Variants in BCAR3 observed in about 807,000 individuals in gnomAD.
The protein encoded by BCAR3 is breast cancer anti-estrogen resistance protein 3.
Under a neutral mutation model 80.1 loss-of-function variants are expected in BCAR3, and 37 were observed. The observed-to-expected ratio is 0.46, with a 90% CI of 0.36 to 0.61. The LOEUF (loss-of-function observed/expected upper bound fraction) is 0.61. BCAR3 is among the 20% of genes least tolerant of loss of function. The pLI is 0.00. For synonymous variants in BCAR3, 389 were observed against 418.9 expected, an observed-to-expected ratio of 0.93 and a Z score of 0.87; for missense variants, 978 against 1,068.2, an observed-to-expected ratio of 0.92 and a Z score of 1.18.
At chr1:93,590,937 A>G (rs1159115093) in intron 4 of BCAR3, among the ~76,000 whole-genome samples, 1 of 152,140 alleles carries the variant, frequency 6.6e-6, no homozygotes, top group African/African-American at 2.4e-5. Context: ...TGGGCTACCA[A>G]AAAAGTATAT....
At chr1:93,693,757 G>A (rs1471851838) in intron 3 of BCAR3, among the ~76,000 whole-genome samples, 6 of 152,182 alleles carry the variant, frequency 3.9e-5, no homozygotes, top group African/African-American at 1.2e-4. Flanking sequence ...ACGGACTGCT[G>A]TGATTTTGGT....
chr1:93,811,964 C>A (rs1281854968), intron 2 of BCAR3, among the ~76,000 whole-genome samples: 2 of 152,218 alleles, frequency 1.3e-5, no homozygotes, highest in African/African-American at 4.8e-5. Context: ...TGACTCCCAG[C>A]CTGTTGGTAA....
chr1:93,758,092 C>T (rs2100721272), intron 2 of BCAR3, among the ~76,000 whole-genome samples: 2 of 152,242 alleles, frequency 1.3e-5, no homozygotes, highest in South Asian at 4.1e-4. Flanking sequence ...GGAGGCAGCT[C>T]CCACTGGCTG....
intron 2 of BCAR3, among the ~76,000 whole-genome samples, chr1:93,720,733 G>C (rs1428404420): frequency 6.6e-6 from 1 of 152,220 alleles, no homozygotes; most frequent in East Asian, 1.9e-4. Flanking sequence ...AGGTAGAAAG[G>C]AGGAGGATGC....
intron 2 of BCAR3, among the ~76,000 whole-genome samples, chr1:93,774,903 C>G (rs1229543929): frequency 2.6e-5 from 4 of 152,198 alleles, no homozygotes; most frequent in Non-Finnish European, 5.9e-5. Flanking sequence ...AAGTCCCACA[C>G]AGCAGGAAAG....
intron 2 of BCAR3, among the ~76,000 whole-genome samples, chr1:93,808,241 C>T (rs1557694898): frequency 6.6e-6 from 1 of 151,648 alleles, no homozygotes; most frequent in African/African-American, 2.4e-5. Flanking sequence ...AATGAATGCC[C>T]AGAACAAATG....
chr1:93,602,003 C>T (rs566776848), intron 3 of BCAR3: 101 of 152,314 alleles, frequency 6.6e-4, no homozygotes, highest in African/African-American at 2.3e-3. Flanking sequence ...TATCAAACAA[C>T]TCCACAGGTT....
chr1:93,632,102 A>G (rs919701741), intron 3 of BCAR3, among the ~76,000 whole-genome samples: 4 of 152,234 alleles, frequency 2.6e-5, no homozygotes, highest in African/African-American at 9.6e-5. Flanking sequence ...GGTACACCTC[A>G]TAAGATGCAG....
At chr1:93,799,459 T>A (rs1215366693) in intron 2 of BCAR3, among the ~76,000 whole-genome samples, 1 of 152,202 alleles carries the variant, frequency 6.6e-6, no homozygotes. Flanking sequence ...CAGCTAAGCC[T>A]AAAACACTCC....
chr1:93,584,430 C>T (rs1265348847), intron 5 of BCAR3, among the ~76,000 whole-genome samples: 1 of 152,190 alleles, frequency 6.6e-6, no homozygotes, highest in Non-Finnish European at 1.5e-5. Flanking sequence ...TTTTACGATA[C>T]TCCCGGGAAA....
chr1:93,684,935 G>A (rs1032986471), upstream of BCAR3, among the ~76,000 whole-genome samples: 1 of 152,086 alleles, frequency 6.6e-6, no homozygotes, highest in African/African-American at 2.4e-5. Flanking sequence ...TCTCCATGTT[G>A]GCCCAGCTGG....
intron 2 of BCAR3, among the ~76,000 whole-genome samples, chr1:93,742,260 G>A (rs1651204895): frequency 6.6e-6 from 1 of 152,178 alleles, no homozygotes; most frequent in Non-Finnish European, 1.5e-5. Context: ...GCTGGATTAT[G>A]CCTCCTGCTA....
intron 2 of BCAR3, among the ~76,000 whole-genome samples, chr1:93,787,986 G>T (rs1653012341): frequency 6.6e-6 from 1 of 152,038 alleles, no homozygotes; most frequent in African/African-American, 2.4e-5. Flanking sequence ...TTATAAATTT[G>T]GGAGCTCCAG....
At chr1:93,777,227 C>A (rs1023297389) in intron 2 of BCAR3, among the ~76,000 whole-genome samples, 5 of 152,172 alleles carry the variant, frequency 3.3e-5, no homozygotes, top group South Asian at 4.1e-4. Context: ...CAATAAATTT[C>A]TGTTGTTTTA....
chr1:93,580,862 A>C (rs527675957), intron 7 of BCAR3, among the ~76,000 whole-genome samples: 1 of 152,274 alleles, frequency 6.6e-6, no homozygotes, highest in South Asian at 2.1e-4. Context: ...AACGTTTCCT[A>C]CAAAAAAATG....
chr1:93,609,582 T>C (rs1408969995), intron 3 of BCAR3, among the ~76,000 whole-genome samples: 1 of 152,184 alleles, frequency 6.6e-6, no homozygotes, highest in East Asian at 1.9e-4. Flanking sequence ...AATAAGTTAC[T>C]AACAGTCAGA....
chr1:93,582,895 A>AG lies in BCAR3; in HGVS notation c.1091dup (p.Val365CysfsTer38). ...CAGGCTCGCTTCCCGTCCTGAACAC[A>AG]GGTGAGTTTGGGCAGGGGCTTGTGT... On this transcript the variant is annotated frameshift_variant, in exon 7 of 12. Transcript: ENST00000260502. LOFTEE classifies it high-confidence loss of function. The AG allele has an allele frequency of 6.2e-7, 1 of 1,608,190 alleles. No homozygotes were observed. The highest frequency in any genetic ancestry group is 8.5e-7 in the Non-Finnish European group (1 of 1,179,718).
chr1:93,673,393 T>C (rs572454477), intron 2 of BCAR3, among the ~76,000 whole-genome samples: 73 of 152,348 alleles, frequency 4.8e-4, no homozygotes, highest in African/African-American at 1.5e-3. Context: ...TTTAAGATAA[T>C]CAGGACTGAG....
intron 3 of BCAR3, among the ~76,000 whole-genome samples, chr1:93,593,472 G>A (rs1050972393): frequency 1.1e-4 from 16 of 151,924 alleles, no homozygotes; most frequent in African/African-American, 3.4e-4. Context: ...GGGCTCAAGC[G>A]ATCCTCCCAT....
Sources: allele counts gnomAD v4.1 joint callset (sites outside exome capture counted in the v4.1 genomes callset), GRCh38; gene constraint gnomAD v4.1.1; transcripts MANE v1.5; gene names NCBI Gene and HGNC (gene_info 2026-07-23, HGNC 2026-07-21).